ATXN7L1: variants seen among roughly 807,000 people sequenced by gnomAD.
ATXN7L1 encodes the protein ataxin-7-like protein 1.
A neutral mutation model predicts 70.8 loss-of-function variants in ATXN7L1; 15 were observed. The ratio of observed to expected loss-of-function variants is 0.21; its 90% CI spans 0.14 to 0.33. The LOEUF (loss-of-function observed/expected upper bound fraction) is 0.33. ATXN7L1 is among the 10% of genes least tolerant of loss of function. The pLI is 1.00. For synonymous variants in ATXN7L1, 440 were observed against 445.1 expected, an observed-to-expected ratio of 0.99 and a Z score of 0.14; for missense variants, 975 against 1,097.1, an observed-to-expected ratio of 0.89 and a Z score of 1.57.
At chr7:105,688,426 C>G (rs1790260918) in intron 3 of ATXN7L1, among the ~76,000 whole-genome samples, 1 of 152,138 alleles carries the variant, frequency 6.6e-6, no homozygotes, top group Non-Finnish European at 1.5e-5. Context: ...GCCTGTAGCC[C>G]CAGCTACTTG....
chr7:105,749,353 A>G (rs1037578689), intron 3 of ATXN7L1, among the ~76,000 whole-genome samples: 1 of 151,972 alleles, frequency 6.6e-6, no homozygotes, highest in African/African-American at 2.4e-5. Context: ...TTTCAAAAGA[A>G]GTTTGACAAT....
At chr7:105,611,599 T>G (rs1793159763) in intron 10 of ATXN7L1, among the ~76,000 whole-genome samples, 1 of 152,234 alleles carries the variant, frequency 6.6e-6, no homozygotes. Flanking sequence ...CTCCAACTCC[T>G]GACCTCAGAT....
chr7:105,681,795 T>C (rs544545303), intron 3 of ATXN7L1, among the ~76,000 whole-genome samples: 5 of 152,256 alleles, frequency 3.3e-5, no homozygotes, highest in African/African-American at 1.2e-4. Flanking sequence ...AGACAAATAA[T>C]GTATGATTCC....
intron 4 of ATXN7L1, among the ~76,000 whole-genome samples, chr7:105,656,576 CT>C (rs10690416): frequency 1.9e-3 from 265 of 139,740 alleles, no homozygotes; most frequent in Non-Finnish European, 2.2e-3. Flanking sequence ...CTTCTTCTTC[CT>C]TTTTTTTTTT....
chr7:105,637,356 T>C (rs1025634902), intron 7 of ATXN7L1, among the ~76,000 whole-genome samples: 36 of 152,248 alleles, frequency 2.4e-4, no homozygotes, highest in African/African-American at 8.4e-4. Context: ...TCTTAAAGCC[T>C]ATTTGCTACC....
At chr7:105,672,117 C>A (rs573702075) in intron 3 of ATXN7L1, among the ~76,000 whole-genome samples, 2 of 152,054 alleles carry the variant, frequency 1.3e-5, no homozygotes, top group East Asian at 1.9e-4. Context: ...AAAACCCGGT[C>A]TCTACTAAAA....
intron 3 of ATXN7L1, among the ~76,000 whole-genome samples, chr7:105,778,525 AAAAAAAAAAACAAAG>A (rs1803081042): frequency 9.2e-6 from 1 of 108,330 alleles, no homozygotes; most frequent in African/African-American, 2.9e-5. Flanking sequence ...AAAAAAAAAA[AAAAAAAAAAACAAAG>A]ACTAAATAAT....
intron 3 of ATXN7L1, among the ~76,000 whole-genome samples, chr7:105,721,874 G>C (rs1795222883): frequency 6.6e-6 from 1 of 152,190 alleles, no homozygotes; most frequent in Admixed American, 6.5e-5. Context: ...GAGAAATTTT[G>C]ACATGAATGA....
chr7:105,789,759 G>A (rs1804860142), intron 2 of ATXN7L1, among the ~76,000 whole-genome samples: 1 of 152,072 alleles, frequency 6.6e-6, no homozygotes, highest in South Asian at 2.1e-4. Context: ...AGAACAATGA[G>A]AAGTACTGGG....
At chr7:105,684,086 T>C (rs559747795) in intron 3 of ATXN7L1, among the ~76,000 whole-genome samples, 3 of 152,296 alleles carry the variant, frequency 2.0e-5, no homozygotes, top group Admixed American at 6.5e-5. Context: ...GTGTGCCAGA[T>C]AAGCGGTGAG....
At chr7:105,849,821 C>A (rs1463239383) in intron 2 of ATXN7L1, among the ~76,000 whole-genome samples, 1 of 152,238 alleles carries the variant, frequency 6.6e-6, no homozygotes, top group African/African-American at 2.4e-5. Context: ...GCTCTCAGCT[C>A]TTTAAACAGA....
At chr7:105,734,970 C>T (rs1219140028) in intron 3 of ATXN7L1, among the ~76,000 whole-genome samples, 1 of 152,182 alleles carries the variant, frequency 6.6e-6, no homozygotes, top group Non-Finnish European at 1.5e-5. Flanking sequence ...GCTTTCCCTT[C>T]CTGATAGAGT....
chr7:105,661,889 C>T (rs1406671454), intron 4 of ATXN7L1, among the ~76,000 whole-genome samples: 1 of 152,110 alleles, frequency 6.6e-6, no homozygotes, highest in Non-Finnish European at 1.5e-5. Context: ...GCAAATTGCC[C>T]GTGCCTTTCT....
At chr7:105,792,472 C>A (rs530200145) in intron 2 of ATXN7L1, among the ~76,000 whole-genome samples, 1 of 151,722 alleles carries the variant, frequency 6.6e-6, no homozygotes, top group African/African-American at 2.4e-5. Flanking sequence ...TAGAGCAATG[C>A]GGGCTGGGGG....
At chr7:105,695,624 C>T (rs372649929) in intron 3 of ATXN7L1, among the ~76,000 whole-genome samples, 8 of 152,220 alleles carry the variant, frequency 5.3e-5, no homozygotes, top group East Asian at 3.8e-4. Context: ...TGTATATCCA[C>T]GGTGCACCAC....
intron 3 of ATXN7L1, among the ~76,000 whole-genome samples, chr7:105,684,129 T>A (rs977913410): frequency 6.6e-6 from 1 of 152,152 alleles, no homozygotes; most frequent in Non-Finnish European, 1.5e-5. Context: ...TAGTGGCACC[T>A]CCCGAGTTCA....
At chr7:105,816,993 G>A (rs537311605) in intron 2 of ATXN7L1, among the ~76,000 whole-genome samples, 2 of 152,206 alleles carry the variant, frequency 1.3e-5, no homozygotes, top group Non-Finnish European at 2.9e-5. Context: ...ATTTAGCGGA[G>A]AGCTTCTCCT....
intron 2 of ATXN7L1, among the ~76,000 whole-genome samples, chr7:105,825,449 G>T (rs1384414516): frequency 6.6e-6 from 1 of 151,820 alleles, no homozygotes; most frequent in Admixed American, 6.6e-5. Context: ...CAAAAATAGT[G>T]ACAGGATATA....
intron 2 of ATXN7L1, among the ~76,000 whole-genome samples, chr7:105,813,568 C>T (rs906673075): frequency 2.6e-5 from 4 of 152,156 alleles, no homozygotes; most frequent in Non-Finnish European, 2.9e-5. Context: ...AACTCCCGAC[C>T]TCAGGTGATC....
Sources: gnomAD v4.1 joint callset for allele counts (sites outside exome capture counted in the v4.1 genomes callset) on GRCh38, gnomAD v4.1.1 for gene constraint, MANE v1.5 for transcripts, NCBI Gene and HGNC (gene_info 2026-07-23, HGNC 2026-07-21) for gene names.